The following SYNE1 variants were observed in gnomAD, a reference collection of about 807,000 sequenced individuals.
SYNE1 encodes spectrin repeat containing nuclear envelope protein 1, also known as nesprin-1.
A neutral mutation model predicts 1,111.0 loss-of-function variants in SYNE1; 616 were observed. That is an observed-to-expected ratio of 0.55 (90% confidence interval 0.52 to 0.59). The LOEUF (loss-of-function observed/expected upper bound fraction) is 0.59. SYNE1 is among the 20% of genes least tolerant of loss of function. The pLI is 0.00. For synonymous variants in SYNE1, 3,855 were observed against 3,825.8 expected, an observed-to-expected ratio of 1.01 and a Z score of -0.28; for missense variants, 10,006 against 10,417.0, an observed-to-expected ratio of 0.96 and a Z score of 1.72.
intron 61 of SYNE1, 188 bp downstream of exon 61, chr6:152,368,784 G>A (rs752058729): frequency 1.2e-4 from 89 of 716,808 alleles, no homozygotes; most frequent in Non-Finnish European, 2.0e-4. Context: ...GCCACATCAA[G>A]CTTATGCAAC....
At chr6:152,409,316 T>A in intron 43 of SYNE1, 90 bp from the exon 44 acceptor site, 1 of 1,352,400 alleles carries the variant, frequency 7.4e-7, no homozygotes, top group Non-Finnish European at 1.0e-6. Context: ...TAATTCATAA[T>A]TGACCTTATG....
intron 104 of SYNE1, among the ~76,000 whole-genome samples, chr6:152,253,847 T>G (rs2090127765): frequency 9.4e-6 from 1 of 106,172 alleles, no homozygotes; most frequent in African/African-American, 4.5e-5. Flanking sequence ...TTTTTTTTTT[T>G]TTTTTTTTTT....
At chr6:152,357,633 T>G (rs778798358) in intron 66 of SYNE1, among the ~76,000 whole-genome samples, 1 of 152,222 alleles carries the variant, frequency 6.6e-6, no homozygotes, top group South Asian at 2.1e-4. Context: ...TACATTAGTC[T>G]ACTAATGTCC....
intron 126 of SYNE1, among the ~76,000 whole-genome samples, chr6:152,202,561 TA>T (rs1430685310): frequency 6.6e-6 from 1 of 151,882 alleles, no homozygotes; most frequent in African/African-American, 2.4e-5. Context: ...ATGGAAAAAA[TA>T]CAAACTCTCC....
chr6:152,188,973 AAAAAAAAAAAAATATATAT>A (rs2071200667), intron 128 of SYNE1, among the ~76,000 whole-genome samples: 1 of 60,602 alleles, frequency 1.7e-5, no homozygotes, highest in African/African-American at 8.0e-5. Context: ...AAAAAAAAAA[AAAAAAAAAAAAATATATAT>A]ATATATATAT....
Position 152,336,820 on chromosome 6 carries a change from TG to T in SYNE1, c.12528+20del. 1.2e-6 allele frequency: 2 copies of T among 1,610,936 alleles called. No homozygotes were observed. Among genetic ancestry groups the T allele is most frequent in the South Asian group, 1.1e-5 (1 of 91,086 alleles). On this transcript the variant is annotated intron_variant, in intron 76 of 145. Coordinates refer to ENST00000367255, the MANE Select transcript of SYNE1 (RefSeq NM_182961.4). Reference sequence around the variant, plus strand: ...CTCTGTTGGCCTCTTTTATCTCCCTTGGGGGCAAATTAATTCCCACCTTAAC... The same window carrying T: ...CTCTGTTGGCCTCTTTTATCTCCCTTGGGGCAAATTAATTCCCACCTTAAC...
intron 3 of SYNE1, among the ~76,000 whole-genome samples, chr6:152,591,112 A>G (rs1218914580): frequency 1.3e-5 from 2 of 152,180 alleles, no homozygotes; most frequent in Non-Finnish European, 2.9e-5. Flanking sequence ...CTCTTTGGGT[A>G]GGTGCATTCC....
In SYNE1 at chr6:152,430,187, A is replaced by G; in HGVS notation, c.4713T>C (p.Phe1571=). ...TAATTGGAACAGCAAGTTTATCTTCAAATTCAGACACAGATTGCTGGATCT... is the reference window on the plus strand; with the variant it reads ...TAATTGGAACAGCAAGTTTATCTTCGAATTCAGACACAGATTGCTGGATCT... ...LRKIQQSVSE[F]EDKLAVPIKI... Residue 1571 remains phenylalanine (F), a synonymous_variant, in exon 36 of 146, where the codon TTT becomes TTC. Transcript: ENST00000367255. 6.2e-7 allele frequency: 1 copy of G among 1,604,226 alleles called. No homozygotes were observed.
At chr6:152,491,367 G>A (rs1363091886) in intron 11 of SYNE1, among the ~76,000 whole-genome samples, 1 of 152,068 alleles carries the variant, frequency 6.6e-6, no homozygotes, top group Non-Finnish European at 1.5e-5. Context: ...CCACATTACA[G>A]CCCAGGGCTG....
chr6:152,354,114 T>C (rs2096792768), intron 67 of SYNE1, among the ~76,000 whole-genome samples: 1 of 152,104 alleles, frequency 6.6e-6, no homozygotes, highest in Admixed American at 6.5e-5. Context: ...CACTCCAGCT[T>C]GGGCGACAGA....
intron 3 of SYNE1, among the ~76,000 whole-genome samples, chr6:152,569,608 G>GA (rs377723245): frequency 6.3e-4 from 96 of 152,172 alleles, no homozygotes; most frequent in African/African-American, 2.1e-3. Context: ...TAGTAGAATA[G>GA]AAAAAATGGG....
Position 152,376,488 on chromosome 6 carries a change from A to G in SYNE1, c.9217T>C (p.Phe3073Leu), listed in dbSNP as rs531194626. ...QILQQRFRKA[F>L]RDFQQWLVNA... ...ACCAACCACTGCTGGAAATCCCTGA[A>G]GGCCTTTCGAAATCTTTGCTGTAAA... The change falls in exon 58 of 146, where the codon TTC (phenylalanine) becomes CTC (leucine). Residue 3073 changes from phenylalanine (F) to leucine (L), a missense_variant. By Grantham distance (22) the Phe-to-Leu change is conservative. Transcript: ENST00000367255. 6.2e-7 allele frequency: 1 copy of G among 1,614,200 alleles called. No homozygotes were observed. The highest frequency in any genetic ancestry group is 1.1e-5 in the South Asian group (1 of 91,074).
At chr6:152,298,251 G>A (rs1035727134) in intron 93 of SYNE1, among the ~76,000 whole-genome samples, 11 of 152,228 alleles carry the variant, frequency 7.2e-5, no homozygotes, top group Non-Finnish European at 1.2e-4. Context: ...TCAGCTTAGA[G>A]GAGAAAGAGC....
In SYNE1 at chr6:152,436,057, G is replaced by T. The variant is rs770981925; in HGVS notation, c.4194C>A (p.Asn1398Lys). ...RTESIAVQAE[N>K]LVKEASEIPL... is the part of the protein sequence containing the mutation. ...GTATCTCTGAAGCTTCCTTTACAAG[G>T]TTCTCAGCCTGGACTGCAATACTTT... The change falls in exon 33 of 146, where the codon AAC becomes AAA. Residue 1398 changes from asparagine (N) to lysine (K), a missense_variant. Asn to Lys is a moderately conservative substitution (Grantham distance 94, BLOSUM62 0). This residue lies in a region of SYNE1 where 1,971 missense variants were observed against 2,084.1 expected (regional missense o/e 0.95). Coordinates refer to ENST00000367255, the MANE Select transcript of SYNE1 (RefSeq NM_182961.4). The T allele has an allele frequency of 6.2e-6, 10 of 1,613,904 alleles. No homozygotes were observed. In the East Asian group the frequency reaches 2.0e-4, roughly 32 times the overall value.
intron 51 of SYNE1, among the ~76,000 whole-genome samples, chr6:152,393,093 T>C (rs1246500523): frequency 6.6e-6 from 1 of 152,168 alleles, no homozygotes; most frequent in Non-Finnish European, 1.5e-5. Context: ...CACTAAGATC[T>C]CTTAGCATCT....
At chr6:152,422,636 G>T (rs181050783) in intron 39 of SYNE1, among the ~76,000 whole-genome samples, 70 of 152,230 alleles carry the variant, frequency 4.6e-4, no homozygotes, top group African/African-American at 1.7e-3. Context: ...CTGAGCAGCT[G>T]AGACTACAGG....
rs2097216337 is a variant in SYNE1, at chr6:152,373,082, C to T, written c.9462G>A (p.Trp3154Ter). Residue 3154 changes from tryptophan (W) to a stop codon, truncating the protein, a stop_gained, in exon 59 of 146, where the codon TGG becomes TGA. Transcript: ENST00000367255. LOFTEE classifies it high-confidence loss of function. ...GGTGGAGATTTGAATGAAAATTTTT[C>T]CAATCTTCTTTTGCAGCTGTAACTT... ...QAKVTAAKED[W>*]KNFHSNLHQK... 6.2e-7 allele frequency: 1 copy of T among 1,613,946 alleles called. No homozygotes were observed. The highest frequency in any genetic ancestry group is 8.5e-7 in the Non-Finnish European group (1 of 1,180,024).
chr6:152,329,949 G>A lies in SYNE1; in HGVS notation c.14736C>T (p.Tyr4912=), dbSNP rs2096206320. The change falls in exon 78 of 146, where the codon TAC becomes TAT. Residue 4912 remains tyrosine, a synonymous_variant. Transcript: ENST00000367255. ...RVKAELSGPV[Y]LDLNLQDIQE... Reference sequence around the variant, plus strand: ...GGATGTCCTGCAGGTTGAGGTCTAGGTACACCGGCCCACTGAGCTCTGCCT... The same window carrying A: ...GGATGTCCTGCAGGTTGAGGTCTAGATACACCGGCCCACTGAGCTCTGCCT... 1.2e-6 allele frequency: 2 copies of A among 1,614,142 alleles called. No homozygotes were observed. Among genetic ancestry groups the A allele is most frequent in the South Asian group, 2.2e-5 (2 of 91,088 alleles).
At chr6:152,498,027 C>A (rs1272635203) in intron 11 of SYNE1, among the ~76,000 whole-genome samples, 1 of 152,094 alleles carries the variant, frequency 6.6e-6, no homozygotes, top group Non-Finnish European at 1.5e-5. Flanking sequence ...TACATAACCT[C>A]ATACTTTATG....
Sources: allele counts gnomAD v4.1 joint callset (sites outside exome capture counted in the v4.1 genomes callset), GRCh38; gene constraint gnomAD v4.1.1; regional missense constraint gnomAD v4.1.1; transcripts MANE v1.5; gene names NCBI Gene and HGNC (gene_info 2026-07-23, HGNC 2026-07-21).